OGDHL: variants seen among roughly 807,000 people sequenced by gnomAD.
The protein encoded by OGDHL is oxoglutarate dehydrogenase L.
In OGDHL, 79 loss-of-function variants were observed where a neutral mutation model predicts 109.6. The ratio of observed to expected loss-of-function variants is 0.72; its 90% CI spans 0.60 to 0.87. The LOEUF (loss-of-function observed/expected upper bound fraction) is 0.87, where lower values mean the gene tolerates loss of function less well. Among genes scored for constraint, OGDHL ranks in the 40% least tolerant of loss-of-function variants. The probability of loss-of-function intolerance (pLI) is 0.00; values close to 1 mark genes in which losing one functional copy is unlikely to be tolerated. For missense variants in OGDHL, 1,275 were observed against 1,362.2 expected (o/e 0.94, Z 1.01); for synonymous variants, 528 against 537.2 (o/e 0.98, Z 0.24).
Position 49,740,694 on chromosome 10 carries a change from G to A in OGDHL, c.2140+16C>T, listed in dbSNP as rs1289857439. 1 of 1,608,866 alleles carries A rather than the reference G, an allele frequency of 6.2e-7. No homozygotes were observed. The highest frequency in any genetic ancestry group is 2.2e-5 in the East Asian group (1 of 44,714). On this transcript the variant is annotated intron_variant, in intron 16 of 22. Transcript: ENST00000374103. ...TGTCTGGGGCCTGCCTGGCCTGCAGGAGAGCGTGGACCCACCCAGGACTCC... is the reference window on the plus strand; with the variant it reads ...TGTCTGGGGCCTGCCTGGCCTGCAGAAGAGCGTGGACCCACCCAGGACTCC...
chr10:49,758,833 G>A (rs760746435), intron 1 of OGDHL, among the ~76,000 whole-genome samples: 7 of 152,054 alleles, frequency 4.6e-5, no homozygotes, highest in Admixed American at 2.6e-4. Flanking sequence ...CCCCAGCCCT[G>A]CTGTGCCACA....
At chr10:49,756,660 A>G in intron 3 of OGDHL, 116 bp downstream of exon 3, 1 of 1,062,348 alleles carries the variant, frequency 9.4e-7, no homozygotes, top group South Asian at 1.8e-5. Flanking sequence ...AGTAGAGGAC[A>G]AGGAGAAGGG....
chr10:49,757,669 G>A lies in OGDHL; in HGVS notation c.204+720C>T, dbSNP rs117693586. Among the ~76,000 whole-genome samples, 43 of 152,294 alleles carry A rather than the reference G, an allele frequency of 2.8e-4. 3 individuals carry two copies. The East Asian group carries it at 8.1e-3, about 29-fold the overall frequency. On this transcript the variant is annotated intron_variant, in intron 2 of 22. Transcript: ENST00000374103. ...ACATGCAATGGAATACTACACAGCTGGACAGAGTGAATAGTGAGGCTCTTC... is the reference window on the plus strand; with the variant it reads ...ACATGCAATGGAATACTACACAGCTAGACAGAGTGAATAGTGAGGCTCTTC...
At chr10:49,742,139 CAAACAT>C (rs1341778846) in intron 15 of OGDHL, among the ~76,000 whole-genome samples, 2 of 132,096 alleles carry the variant, frequency 1.5e-5, no homozygotes, top group African/African-American at 6.3e-5. Context: ...ACACACACAC[CAAACAT>C]ACACACACAT....
rs1272046646 is a variant in OGDHL at position 49,734,931 on chromosome 10, GTC to G, written c.*295_*296del. The G allele has an allele frequency of 4.3e-6, 1 of 231,718 alleles. No individual in the cohort carries two copies. The highest frequency in any genetic ancestry group is 8.3e-6 in the Non-Finnish European group (1 of 120,308). 14.4% of individuals were successfully genotyped at this position (231,718 alleles called of 1,614,324 possible). Reference sequence around the variant, plus strand: ...CGGCCACAGACACAGGCCCCCGGGTGTCTGTCTTGAGATACAGGTGGAGAAGC... The same window carrying G: ...CGGCCACAGACACAGGCCCCCGGGTGTGTCTTGAGATACAGGTGGAGAAGC... On this transcript the variant is annotated 3_prime_UTR_variant, in exon 23 of 23. Transcript: ENST00000374103.
intron 20 of OGDHL, among the ~76,000 whole-genome samples, chr10:49,737,189 C>T (rs573392843): frequency 2.6e-5 from 4 of 152,250 alleles, no homozygotes; most frequent in African/African-American, 9.6e-5. Context: ...CTAACAGCTG[C>T]CCACCTGCAC....
intron 22 of OGDHL, 131 bp from the exon 23 acceptor site, chr10:49,735,482 G>T: frequency 9.5e-7 from 1 of 1,047,626 alleles, no homozygotes; most frequent in Non-Finnish European, 1.4e-6. Flanking sequence ...CTGCCTTTTG[G>T]CCCTGGCACC....
chr10:49,750,815 G>A (rs1409892804), intron 7 of OGDHL, 24 bp downstream of exon 7: 1 of 1,592,928 alleles, frequency 6.3e-7, no homozygotes, highest in African/African-American at 1.3e-5. Context: ...GAATGCGCAA[G>A]GCACAGCAGG....
chr10:49,753,169 C>CA (rs768150866), intron 3 of OGDHL, among the ~76,000 whole-genome samples: 2 of 151,846 alleles, frequency 1.3e-5, no homozygotes, highest in African/African-American at 2.4e-5. Context: ...TATTGTTAAG[C>CA]AAAAAAGCAA....
At chr10:49,757,768 C>G (rs557010827) in intron 2 of OGDHL, among the ~76,000 whole-genome samples, 2 of 152,244 alleles carry the variant, frequency 1.3e-5, no homozygotes, top group African/African-American at 4.8e-5. Context: ...GTATGTGTTA[C>G]AGGTTACTTT....
At chr10:49,747,241 C>A (rs2133039871) in intron 8 of OGDHL, 33 bp from the exon 9 acceptor site, 2 of 1,604,442 alleles carry the variant, frequency 1.2e-6, no homozygotes, top group Non-Finnish European at 8.5e-7. Flanking sequence ...GATGGATCCT[C>A]CCCTCCCACA....
At chr10:49,751,236 A>G (rs914772980) in intron 6 of OGDHL, among the ~76,000 whole-genome samples, 2 of 152,004 alleles carry the variant, frequency 1.3e-5, no homozygotes, top group African/African-American at 2.4e-5. Flanking sequence ...ACCCCTTCCC[A>G]GCTGCCGCCC....
chr10:49,738,963 C>T (rs1251042894), intron 17 of OGDHL: 1 of 153,034 alleles, frequency 6.5e-6, no homozygotes, highest in Non-Finnish European at 1.5e-5. Context: ...CAGCCCCAAG[C>T]AGGGAGCCTC....
At chr10:49,761,359 G>A (rs1843265205) in intron 1 of OGDHL, among the ~76,000 whole-genome samples, 1 of 152,190 alleles carries the variant, frequency 6.6e-6, no homozygotes, top group South Asian at 2.1e-4. Context: ...TGTCTGGGGT[G>A]CCCTAGTGAG....
intron 6 of OGDHL, 120 bp downstream of exon 6, chr10:49,751,707 G>A (rs1347469984): frequency 6.6e-5 from 87 of 1,309,882 alleles, no homozygotes; most frequent in Non-Finnish European, 4.0e-5. Context: ...AGCCAGTGGT[G>A]AGGCCGATCC....
chr10:49,759,075 G>C (rs1388258261), intron 1 of OGDHL, among the ~76,000 whole-genome samples: 5 of 152,324 alleles, frequency 3.3e-5, no homozygotes, highest in Non-Finnish European at 1.5e-5. Context: ...TCAGGGAAAA[G>C]CAGGGGCAAA....
chr10:49,742,369 A>AAACATG, intron 15 of OGDHL, among the ~76,000 whole-genome samples: 5 of 94,998 alleles, frequency 5.3e-5, no homozygotes, highest in African/African-American at 1.2e-4. Context: ...CACACCACAC[A>AAACATG]CCCACAAATA....
At chr10:49,746,716 G>A (rs1440205733) in intron 10 of OGDHL, 34 bp downstream of exon 10, 5 of 1,607,724 alleles carry the variant, frequency 3.1e-6, no homozygotes, top group Non-Finnish European at 3.4e-6. Flanking sequence ...GGATGCTGAC[G>A]CTGTGAGGCC....
At chr10:49,761,146 G>A (rs771401562) in intron 1 of OGDHL, among the ~76,000 whole-genome samples, 25 of 152,136 alleles carry the variant, frequency 1.6e-4, no homozygotes, top group Non-Finnish European at 3.2e-4. Flanking sequence ...TACAGTCAAG[G>A]ACAGCAACAA....
Sources: allele counts gnomAD v4.1 joint callset (sites outside exome capture counted in the v4.1 genomes callset), GRCh38; gene constraint gnomAD v4.1.1; transcripts MANE v1.5; gene names NCBI Gene and HGNC (gene_info 2026-07-23, HGNC 2026-07-21).